The following CARMIL1 variants were observed in gnomAD, a reference collection of about 807,000 sequenced individuals.
CARMIL1 encodes capping protein regulator and myosin 1 linker 1.
A neutral mutation model predicts 177.1 loss-of-function variants in CARMIL1; 90 were observed. That is an observed-to-expected ratio of 0.51 (90% CI 0.43 to 0.61). The LOEUF (loss-of-function observed/expected upper bound fraction) is 0.61, where lower values mean the gene tolerates loss of function less well. Ranked by LOEUF, CARMIL1 falls within the 20% of genes least tolerant of loss-of-function variation. The pLI is 0.00. For missense variants in CARMIL1, 1,380 were observed against 1,667.0 expected (o/e 0.83, Z 3.00); for synonymous variants, 577 against 606.2 (o/e 0.95, Z 0.71).
chr6:25,358,687 A>G (rs1455448121), intron 2 of CARMIL1, among the ~76,000 whole-genome samples: 2 of 152,234 alleles, frequency 1.3e-5, no homozygotes, highest in South Asian at 2.1e-4. Flanking sequence ...ACTCTATGAT[A>G]GGGCATATAG....
intron 24 of CARMIL1, among the ~76,000 whole-genome samples, chr6:25,534,728 A>G (rs944810794): frequency 6.6e-6 from 1 of 152,112 alleles, no homozygotes; most frequent in African/African-American, 2.4e-5. Flanking sequence ...GTAGCACTTT[A>G]TGTCCTGTGT....
chr6:25,525,725 A>C (rs1202761000), intron 23 of CARMIL1, among the ~76,000 whole-genome samples: 1 of 152,222 alleles, frequency 6.6e-6, no homozygotes, highest in African/African-American at 2.4e-5. Context: ...CTCATGAATC[A>C]ATATAGCGTT....
rs117356189 is a variant in CARMIL1 at position 25,415,181 on chromosome 6, G to T, written c.139-4933G>T. On this transcript the variant is annotated intron_variant, in intron 2 of 36. Transcript: ENST00000329474. ...TTTTCTATTTCATTTTTTATTTTTA[G>T]AGATGGGGTCTTGCTCTGTCACCCA... Among the ~76,000 whole-genome samples, 11 of 150,840 alleles carry T rather than the reference G, an allele frequency of 7.3e-5. 1 individual carries two copies. The East Asian group carries it at 2.1e-3, about 29-fold the overall frequency.
intron 2 of CARMIL1, among the ~76,000 whole-genome samples, chr6:25,292,207 T>A (rs1782026366): frequency 6.6e-6 from 1 of 152,236 alleles, no homozygotes; most frequent in Non-Finnish European, 1.5e-5. Flanking sequence ...ATTTGAACAG[T>A]TGCCTTTGTG....
intron 3 of CARMIL1, among the ~76,000 whole-genome samples, chr6:25,423,375 C>A (rs772321799): frequency 2.6e-5 from 4 of 152,080 alleles, no homozygotes; most frequent in African/African-American, 9.7e-5. Context: ...ACTTTTCTTT[C>A]GGGGGTTGGG....
chr6:25,518,655 AC>A (rs1024196940), intron 22 of CARMIL1, among the ~76,000 whole-genome samples: 1 of 152,202 alleles, frequency 6.6e-6, no homozygotes, highest in Non-Finnish European at 1.5e-5. Context: ...CACAGTTGCC[AC>A]CCTGATGTTG....
chr6:25,488,885 G>T (rs906492504), intron 13 of CARMIL1, among the ~76,000 whole-genome samples: 1 of 152,014 alleles, frequency 6.6e-6, no homozygotes, highest in Non-Finnish European at 1.5e-5. Flanking sequence ...AGCTTACAGG[G>T]ACCAGGCATG....
In CARMIL1 at chr6:25,538,803, G is replaced by T. The variant is rs973703541; in HGVS notation, c.2196+820G>T. ...GGAGGTTGCCAGAGGAACCAGCCAC[G>T]TTATTAGTGAACTGAATCTGTCAGC... On this transcript the variant is annotated intron_variant, in intron 25 of 36. Transcript: ENST00000329474. Among the ~76,000 whole-genome samples the T allele has an allele frequency of 5.9e-5, 9 of 152,248 alleles. No homozygotes were observed. The South Asian group carries it at 1.9e-3, about 32-fold the overall frequency.
chr6:25,294,979 G>C (rs956772119), intron 2 of CARMIL1, among the ~76,000 whole-genome samples: 7 of 152,082 alleles, frequency 4.6e-5, no homozygotes, highest in Non-Finnish European at 8.8e-5. Flanking sequence ...AGGCAGGGTG[G>C]GGAACATCAA....
chr6:25,288,638 A>G (rs1036528048), intron 2 of CARMIL1, among the ~76,000 whole-genome samples: 4 of 152,200 alleles, frequency 2.6e-5, no homozygotes, highest in Non-Finnish European at 5.9e-5. Flanking sequence ...AAGAGGAACA[A>G]AGGGGTCCTG....
intron 26 of CARMIL1, among the ~76,000 whole-genome samples, chr6:25,544,606 TACACACACACACAC>T (rs3034120): frequency 3.6e-4 from 51 of 142,508 alleles, no homozygotes; most frequent in South Asian, 2.5e-3. Context: ...GTTACTAGAC[TACACACACACACAC>T]ACACACACAC....
At chr6:25,376,846 T>C in intron 2 of CARMIL1, among the ~76,000 whole-genome samples, 1 of 152,166 alleles carries the variant, frequency 6.6e-6, no homozygotes, top group Non-Finnish European at 1.5e-5. Context: ...GGTCCCAGCC[T>C]TGATAGAAGC....
At chr6:25,368,254 C>T (rs1368578710) in intron 2 of CARMIL1, among the ~76,000 whole-genome samples, 1 of 152,206 alleles carries the variant, frequency 6.6e-6, no homozygotes, top group Non-Finnish European at 1.5e-5. Context: ...TCAGACACGA[C>T]TTACTTAGTT....
chr6:25,466,679 T>C (rs1044860551), intron 9 of CARMIL1, among the ~76,000 whole-genome samples: 2 of 152,172 alleles, frequency 1.3e-5, no homozygotes, highest in African/African-American at 2.4e-5. Context: ...AAGATTTTCA[T>C]AGTGAATACA....
intron 2 of CARMIL1, among the ~76,000 whole-genome samples, chr6:25,410,572 C>T (rs1193483324): frequency 6.8e-6 from 1 of 147,494 alleles, no homozygotes; most frequent in African/African-American, 2.5e-5. Context: ...TTGAGTAATT[C>T]TGTGTGGTCT....
intron 8 of CARMIL1, among the ~76,000 whole-genome samples, chr6:25,464,170 G>A (rs761305198): frequency 6.6e-5 from 10 of 152,078 alleles, no homozygotes; most frequent in Non-Finnish European, 8.8e-5. Context: ...TTAAACTTAG[G>A]CAAAGTTAGT....
intron 4 of CARMIL1, among the ~76,000 whole-genome samples, chr6:25,434,234 C>T (rs1023257704): frequency 1.3e-5 from 2 of 151,994 alleles, no homozygotes; most frequent in Non-Finnish European, 2.9e-5. Context: ...AAGAAAATGG[C>T]ATCTTTTATT....
At chr6:25,390,945 A>G (rs1312129978) in intron 2 of CARMIL1, among the ~76,000 whole-genome samples, 2 of 151,982 alleles carry the variant, frequency 1.3e-5, no homozygotes, top group African/African-American at 2.4e-5. Context: ...CAAGTGATCC[A>G]CCTGCCTTGG....
rs1211519829 is a variant in CARMIL1, at chr6:25,540,003, A to G, written c.2253A>G (p.Leu751=). ...GGASWAGASG[L]LSSPIQETLE... is the part of the protein sequence containing the mutation. ...CATCTTGGGCGGGAGCCAGTGGCTT[A>G]CTATCCAGTCCAATTCAGGAGACCC... is the stretch of plus-strand genomic sequence containing the variant. The change falls in exon 26 of 37, where the codon TTA becomes TTG. Residue 751 remains leucine, a synonymous_variant. Coordinates refer to ENST00000329474, the MANE Select transcript of CARMIL1 (RefSeq NM_017640.6). 6.2e-6 allele frequency: 10 copies of G among 1,608,254 alleles called. No individual in the cohort carries two copies. The highest frequency in any genetic ancestry group is 8.5e-6 in the Non-Finnish European group (10 of 1,177,626).
Sources: gnomAD v4.1 joint callset for allele counts (sites outside exome capture counted in the v4.1 genomes callset) on GRCh38, gnomAD v4.1.1 for gene constraint, MANE v1.5 for transcripts, NCBI Gene and HGNC (gene_info 2026-07-23, HGNC 2026-07-21) for gene names.